Variants in DGKG observed in about 807,000 individuals in gnomAD.
DGKG encodes DAG kinase gamma.
Under a neutral mutation model 105.3 loss-of-function variants are expected in DGKG, and 78 were observed. That is an observed-to-expected ratio of 0.74 (90% confidence interval 0.62 to 0.89). DGKG has a LOEUF of 0.89. Among genes scored for constraint, DGKG ranks in the 40% least tolerant of loss-of-function variants. The pLI, the probability that DGKG is intolerant of heterozygous loss-of-function variation, is 0.00. For synonymous variants in DGKG, 346 were observed against 367.1 expected (o/e 0.94, Z 0.66); for missense variants, 958 against 1,020.1 (o/e 0.94, Z 0.83).
At position 186,242,528 on chromosome 3, in the gene DGKG, TTCTC is replaced by T; in HGVS notation, c.1798_1801del (p.Glu600AsnfsTer10). On this transcript the variant is annotated frameshift_variant, in exon 20 of 25. Transcript: ENST00000265022. LOFTEE classifies it high-confidence loss of function. Reference sequence around the variant, plus strand: ...CCTGCTGTTGAATTTTTCAGGATGTTTCTCTCTCATCACATGGAATCTGTGTGCA... The same window carrying T: ...CCTGCTGTTGAATTTTTCAGGATGTTTCTCATCACATGGAATCTGTGTGCA... 6.2e-7 allele frequency: 1 copy of T among 1,613,776 alleles called. No homozygotes were observed. Among genetic ancestry groups the T allele is most frequent in the Non-Finnish European group, 8.5e-7 (1 of 1,179,800 alleles).
intron 23 of DGKG, among the ~76,000 whole-genome samples, chr3:186,163,455 T>C (rs1454021950): frequency 3.3e-5 from 5 of 152,180 alleles, no homozygotes; most frequent in South Asian, 2.1e-4. Context: ...CCCATTGACA[T>C]AGAAGCCCTC....
intron 22 of DGKG, among the ~76,000 whole-genome samples, chr3:186,183,991 A>T (rs548182748): frequency 1.3e-5 from 2 of 152,344 alleles, no homozygotes; most frequent in South Asian, 4.1e-4. Flanking sequence ...GGCGTGAGCC[A>T]CCATGCCCGG....
chr3:186,302,616 A>ATATACC (rs1169390823), intron 3 of DGKG, among the ~76,000 whole-genome samples: 1 of 109,442 alleles, frequency 9.1e-6, no homozygotes, highest in African/African-American at 2.8e-5. Context: ...ATGTGTGTGT[A>ATATACC]TATACCTATA....
chr3:186,259,097 TC>T, intron 16 of DGKG, among the ~76,000 whole-genome samples: 1 of 103,012 alleles, frequency 9.7e-6, no homozygotes, highest in East Asian at 2.4e-4. Flanking sequence ...AGAACTCTGC[TC>T]TCCGACGGGA....
intron 17 of DGKG, among the ~76,000 whole-genome samples, chr3:186,253,440 T>G (rs944541331): frequency 4.6e-5 from 7 of 152,224 alleles, no homozygotes; most frequent in African/African-American, 1.7e-4. Flanking sequence ...CATATGTTTA[T>G]TCAAATTTCA....
chr3:186,307,243 C>G (rs1724292168), intron 2 of DGKG, among the ~76,000 whole-genome samples: 1 of 152,204 alleles, frequency 6.6e-6, no homozygotes, highest in South Asian at 2.1e-4. Flanking sequence ...TTCTGTTCCC[C>G]CAGGATAAAG....
intron 16 of DGKG, among the ~76,000 whole-genome samples, chr3:186,259,685 A>G (rs1421934325): frequency 1.3e-5 from 2 of 151,940 alleles, no homozygotes; most frequent in Admixed American, 6.5e-5. Context: ...GTATGCAGAC[A>G]GCCCCGGGCC....
intron 1 of DGKG, among the ~76,000 whole-genome samples, chr3:186,358,585 A>AT (rs775028337): frequency 3.1e-4 from 47 of 149,718 alleles, no homozygotes; most frequent in Non-Finnish European, 4.4e-4. Context: ...ACCTGAGGAC[A>AT]TTTTTTTTAA....
chr3:186,316,636 AAAGTT>A (rs1310285366), intron 2 of DGKG, among the ~76,000 whole-genome samples: 1 of 152,206 alleles, frequency 6.6e-6, no homozygotes, highest in Non-Finnish European at 1.5e-5. Context: ...GTTTACATAC[AAAGTT>A]AAGTTACTTG....
chr3:186,293,687 C>T (rs772144439), intron 5 of DGKG, among the ~76,000 whole-genome samples: 1 of 152,224 alleles, frequency 6.6e-6, no homozygotes, highest in Non-Finnish European at 1.5e-5. Flanking sequence ...GGAGACTGAT[C>T]TGATAGGCCT....
chr3:186,261,777 T>C lies in DGKG; in HGVS notation c.1271A>G (p.Tyr424Cys). The change falls in exon 15 of 25, where the codon TAT (tyrosine) becomes TGT (cysteine). Residue 424 changes from tyrosine to cysteine, a missense_variant and splice_region_variant. By Grantham distance (194) the Tyr-to-Cys change is radical. Around this residue, in one of 2 missense-constraint regions of DGKG, gnomAD observed 643 missense variants for 619.5 expected, o/e 1.04. Transcript: ENST00000265022. ...GGTACCCGGGGTGGGGATGATCTTA[T>C]ACTTGAAAGGTAAAAGAAAAAGAAA... is the stretch of plus-strand genomic sequence containing the variant. Reference protein sequence around the residue: ...VSAKGELVMQYKIIPTPGTHP... With the variant: ...VSAKGELVMQCKIIPTPGTHP... 1 of 1,594,586 alleles carries C rather than the reference T, an allele frequency of 6.3e-7. No individual in the cohort carries two copies. Among genetic ancestry groups the C allele is most frequent in the East Asian group, 2.2e-5 (1 of 44,626 alleles).
chr3:186,148,522 G>A lies in DGKG; in HGVS notation c.*1568C>T. On this transcript the variant is annotated 3_prime_UTR_variant, in exon 25 of 25. Transcript: ENST00000265022. The stretch of plus-strand genomic sequence containing the variant: ...ATGTGCTGTACGTTTGTTCCTCCCT[G>A]GCAACCTGGATCCAAGTGGACTCAC... The A allele has an allele frequency of 5.1e-6, 5 of 985,378 alleles. No homozygotes were observed. Among genetic ancestry groups the A allele is most frequent in the Non-Finnish European group, 4.8e-6 (4 of 829,950 alleles). The allele number at this position is 985,378 out of a possible 1,614,324, so 61.0% of individuals were successfully genotyped here. A position where few individuals can be genotyped will look rare whatever the true frequency, so the allele number is the denominator to read the frequency against.
chr3:186,258,961 G>A (rs1323196885), intron 16 of DGKG, among the ~76,000 whole-genome samples: 2 of 152,154 alleles, frequency 1.3e-5, no homozygotes, highest in East Asian at 1.9e-4. Flanking sequence ...CGGACACCTT[G>A]GGGGTGGAAC....
intron 19 of DGKG, among the ~76,000 whole-genome samples, chr3:186,245,153 T>A (rs1047202336): frequency 2.0e-5 from 3 of 152,172 alleles, no homozygotes; most frequent in African/African-American, 7.2e-5. Flanking sequence ...ACAGGCCCCC[T>A]CCTTCCATGC....
At chr3:186,282,673 C>T (rs141298159) in intron 7 of DGKG, among the ~76,000 whole-genome samples, 11 of 152,044 alleles carry the variant, frequency 7.2e-5, no homozygotes, top group East Asian at 3.9e-4. Context: ...CCACCACACC[C>T]GGATAATTTC....
chr3:186,301,290 A>G (rs1723908366), intron 3 of DGKG, among the ~76,000 whole-genome samples: 1 of 152,074 alleles, frequency 6.6e-6, no homozygotes, highest in African/African-American at 2.4e-5. Flanking sequence ...TGCCCTATTG[A>G]TCTTCCTAAA....
At chr3:186,298,989 G>C (rs1280266339) in intron 3 of DGKG, among the ~76,000 whole-genome samples, 1 of 152,192 alleles carries the variant, frequency 6.6e-6, no homozygotes, top group Non-Finnish European at 1.5e-5. Context: ...CCAAAAACTA[G>C]ACCCTCTTCC....
At chr3:186,299,108 AGTCATCAC>A (rs1342199326) in intron 3 of DGKG, among the ~76,000 whole-genome samples, 1 of 152,202 alleles carries the variant, frequency 6.6e-6, no homozygotes, top group Admixed American at 6.5e-5. Context: ...GTTTGCAGTG[AGTCATCAC>A]TGGCTTGTGC....
intron 21 of DGKG, among the ~76,000 whole-genome samples, chr3:186,195,061 C>A (rs954838784): frequency 6.6e-6 from 1 of 151,758 alleles, no homozygotes; most frequent in Non-Finnish European, 1.5e-5. Flanking sequence ...GCTGAGATCG[C>A]GCCACTGGAC....
Sources: gnomAD v4.1 joint callset for allele counts (sites outside exome capture counted in the v4.1 genomes callset) on GRCh38, gnomAD v4.1.1 for gene constraint, gnomAD v4.1.1 regional missense constraint, MANE v1.5 for transcripts, NCBI Gene and HGNC (gene_info 2026-07-23, HGNC 2026-07-21) for gene names.